NEK1: variants seen among roughly 807,000 people sequenced by gnomAD.
NEK1 encodes the protein serine/threonine-protein kinase Nek1.
In NEK1, 137 loss-of-function variants were observed where a neutral mutation model predicts 182.1. The observed-to-expected ratio is 0.75, with a 90% CI of 0.65 to 0.87. The LOEUF (loss-of-function observed/expected upper bound fraction) is 0.87. Among genes scored for constraint, NEK1 ranks in the 40% least tolerant of loss-of-function variants. The pLI, the probability that NEK1 is intolerant of heterozygous loss-of-function variation, is 0.00. For synonymous variants in NEK1, 513 were observed against 492.2 expected (o/e 1.04, Z -0.56); for missense variants, 1,391 against 1,494.4 (o/e 0.93, Z 1.14).
chr4:169,438,131 T>C lies in NEK1; in HGVS notation c.2716A>G (p.Ser906Gly). ...AATGACATCTGTGGAGATGCCTCAC[T>C]GAACTCGGGACTTTTTGTCTCAACA... ...SPVETKSPEF[S>G]EASPQMSLKL... Residue 906 changes from serine (S) to glycine (G), a missense_variant, in exon 28 of 36, where the codon AGT becomes GGT. By Grantham distance (56) the Ser-to-Gly change is moderately conservative (BLOSUM62 0). This residue lies in a region of NEK1 where 1,216 missense variants were observed against 1,277.6 expected (regional missense o/e 0.95). Transcript: ENST00000507142. The C allele has an allele frequency of 1.2e-6, 2 of 1,612,216 alleles. No individual in the cohort carries two copies. The highest frequency in any genetic ancestry group is 1.1e-5 in the South Asian group (1 of 90,472).
At chr4:169,544,483 A>C (rs1432233429) in intron 18 of NEK1, among the ~76,000 whole-genome samples, 2 of 152,156 alleles carry the variant, frequency 1.3e-5, no homozygotes, top group Non-Finnish European at 2.9e-5. Flanking sequence ...TGGCCTCATA[A>C]AATGAGCTAG....
At chr4:169,577,362 G>A (rs910899970) in intron 11 of NEK1, among the ~76,000 whole-genome samples, 9 of 151,834 alleles carry the variant, frequency 5.9e-5, no homozygotes, top group Admixed American at 3.9e-4. Flanking sequence ...ATGGTTGCAC[G>A]TATCGGTGAA....
intron 5 of NEK1, among the ~76,000 whole-genome samples, chr4:169,593,259 A>G (rs1223045695): frequency 6.6e-6 from 1 of 152,226 alleles, no homozygotes; most frequent in Non-Finnish European, 1.5e-5. Context: ...TTTCTGTCTC[A>G]ACTCAAGTCT....
At chr4:169,581,274 G>A (rs774050354) in intron 10 of NEK1, among the ~76,000 whole-genome samples, 1 of 151,900 alleles carries the variant, frequency 6.6e-6, no homozygotes, top group Non-Finnish European at 1.5e-5. Context: ...GTATCTGTGG[G>A]TGTATGTTTT....
At chr4:169,401,576 G>T in intron 33 of NEK1, 76 bp downstream of exon 33, 1 of 1,306,096 alleles carries the variant, frequency 7.7e-7, no homozygotes, top group Non-Finnish European at 1.1e-6. Context: ...GTTCACAGCA[G>T]AGATTAGAAA....
At chr4:169,493,555 C>A (rs1264102878) in intron 23 of NEK1, among the ~76,000 whole-genome samples, 2 of 152,064 alleles carry the variant, frequency 1.3e-5, no homozygotes, top group African/African-American at 4.8e-5. Flanking sequence ...GAAAAATGAT[C>A]CAGGACATGA....
chr4:169,538,634 C>A (rs1464836156), intron 18 of NEK1, among the ~76,000 whole-genome samples: 1 of 151,998 alleles, frequency 6.6e-6, no homozygotes, highest in Non-Finnish European at 1.5e-5. Flanking sequence ...ATAAATAAAA[C>A]CCAGCCCCAG....
chr4:169,469,349 T>C (rs545142589), intron 26 of NEK1, among the ~76,000 whole-genome samples: 123 of 152,308 alleles, frequency 8.1e-4, no homozygotes, highest in Non-Finnish European at 1.5e-3. Context: ...AAAGAACTTA[T>C]TTATTTCTGC....
intron 18 of NEK1, among the ~76,000 whole-genome samples, chr4:169,538,297 A>G (rs1424850144): frequency 6.6e-6 from 1 of 152,172 alleles, no homozygotes; most frequent in East Asian, 1.9e-4. Context: ...GAAGTCAAAT[A>G]AAAGCAGTAC....
At chr4:169,568,910 C>G (rs1464321149) in intron 12 of NEK1, among the ~76,000 whole-genome samples, 9 of 146,050 alleles carry the variant, frequency 6.2e-5, no homozygotes, top group Non-Finnish European at 1.3e-4. Flanking sequence ...GCACTCCAGC[C>G]TGGGGGACAA....
intron 18 of NEK1, among the ~76,000 whole-genome samples, chr4:169,541,636 T>C (rs1334195138): frequency 6.6e-6 from 1 of 152,106 alleles, no homozygotes; most frequent in Non-Finnish European, 1.5e-5. Context: ...GACATACAAA[T>C]TATAATAATC....
chr4:169,553,845 G>C (rs1477198842), intron 18 of NEK1, among the ~76,000 whole-genome samples: 1 of 152,156 alleles, frequency 6.6e-6, no homozygotes, highest in Non-Finnish European at 1.5e-5. Flanking sequence ...AACACTAAAT[G>C]CTGGAGAGGA....
chr4:169,475,155 A>G (rs966314271), intron 26 of NEK1, among the ~76,000 whole-genome samples: 1 of 152,184 alleles, frequency 6.6e-6, no homozygotes, highest in African/African-American at 2.4e-5. Context: ...GGATTCCTGG[A>G]AGACCAAAGC....
rs756401435 is a variant in NEK1, at chr4:169,433,643, T to C, written c.2787A>G (p.Glu929=). The C allele has an allele frequency of 6.2e-7, 1 of 1,613,464 alleles. No homozygotes were observed. Among genetic ancestry groups the C allele is most frequent in the Non-Finnish European group, 8.5e-7 (1 of 1,179,586 alleles). Reference sequence around the variant, plus strand: ...TTGTTCCACTTGGCTCTTGTAGAATTTCTGTTTCCAAATCATCAGGTTCTG... The same window carrying C: ...TTGTTCCACTTGGCTCTTGTAGAATCTCTGTTTCCAAATCATCAGGTTCTG... ...NLEEPDDLET[E]ILQEPSGTNK... Residue 929 remains glutamate, a synonymous_variant, in exon 29 of 36, where the codon GAA becomes GAG. Coordinates refer to ENST00000507142, the MANE Select transcript of NEK1 (RefSeq NM_001199397.3).
At chr4:169,562,249 G>C in intron 12 of NEK1, 53 bp from the exon 13 acceptor site, 1 of 1,237,042 alleles carries the variant, frequency 8.1e-7, no homozygotes, top group Non-Finnish European at 1.1e-6. Context: ...GCACTTATTT[G>C]AAAATCCCAA....
chr4:169,573,553 A>G (rs546792804), intron 12 of NEK1, among the ~76,000 whole-genome samples: 1 of 152,338 alleles, frequency 6.6e-6, no homozygotes, highest in South Asian at 2.1e-4. Context: ...ATAATGGAAG[A>G]GAGGGCAAGA....
intron 27 of NEK1, among the ~76,000 whole-genome samples, chr4:169,458,965 A>G (rs762970551): frequency 1.3e-5 from 2 of 152,160 alleles, no homozygotes; most frequent in Non-Finnish European, 2.9e-5. Context: ...TGCCCAAAGG[A>G]ATGTTCATTG....
In NEK1 at chr4:169,506,981, G is replaced by C. The variant is rs1471599083; in HGVS notation, c.2007+56C>G. 4 of 1,177,254 alleles carry C rather than the reference G, an allele frequency of 3.4e-6. No individual in the cohort carries two copies. The East Asian group carries it at 9.7e-5, about 28-fold the overall frequency. 72.9% of individuals were successfully genotyped at this position (1,177,254 alleles called of 1,614,324 possible). On this transcript the variant is annotated intron_variant, in intron 23 of 35. Coordinates refer to ENST00000507142, the MANE Select transcript of NEK1 (RefSeq NM_001199397.3). ...ATTATAATACTGATGTACTACCCAG[G>C]AAGAGCTATAAAAATGTTAATACAA...
intron 16 of NEK1, among the ~76,000 whole-genome samples, chr4:169,559,870 G>A (rs1248491304): frequency 1.3e-5 from 2 of 152,048 alleles, no homozygotes; most frequent in African/African-American, 2.4e-5. Context: ...TTAGCTGGGC[G>A]TGGTGGTGCA....
Sources: gnomAD v4.1 joint callset for allele counts (sites outside exome capture counted in the v4.1 genomes callset) on GRCh38, gnomAD v4.1.1 for gene constraint, gnomAD v4.1.1 regional missense constraint, MANE v1.5 for transcripts, NCBI Gene and HGNC (gene_info 2026-07-23, HGNC 2026-07-21) for gene names.